PAH: variants seen among roughly 807,000 people sequenced by gnomAD.
The protein encoded by PAH is phenylalanine-4-hydroxylase.
In PAH, 64 loss-of-function variants were observed where a neutral mutation model predicts 62.0. The ratio of observed to expected loss-of-function variants is 1.03; its 90% CI spans 0.84 to 1.27. The LOEUF is 1.27. PAH is among the 50% of genes most tolerant of loss of function. The probability of loss-of-function intolerance (pLI) is 0.00; values close to 1 mark genes in which losing one functional copy is unlikely to be tolerated. For missense variants in PAH, 579 were observed against 542.8 expected, an observed-to-expected ratio of 1.07 and a Z score of -0.66; for synonymous variants, 195 against 196.2, an observed-to-expected ratio of 0.99 and a Z score of 0.05.
chr12:102,863,440 A>G (rs1229746572), intron 5 of PAH, among the ~76,000 whole-genome samples: 1 of 152,096 alleles, frequency 6.6e-6, no homozygotes, highest in Non-Finnish European at 1.5e-5. Context: ...AGGTGAGGAG[A>G]GACTCCACTC....
rs62516153 is a variant in PAH at position 102,844,379 on chromosome 12, T to G, written c.1022A>C (p.Lys341Thr). 2.5e-6 allele frequency: 4 copies of G among 1,613,904 alleles called. No individual in the cohort carries two copies. Among genetic ancestry groups the G allele is most frequent in the Non-Finnish European group, 3.4e-6 (4 of 1,179,830 alleles). The change falls in exon 10 of 13, where the codon AAG becomes ACG. Residue 341 changes from lysine (K) to threonine (T), a missense_variant. Lys to Thr is a moderately conservative substitution (Grantham distance 78, BLOSUM62 -1). Transcript: ENST00000553106. ...FGLCKQGDSI[K>T]AYGAGLLSSF... ...TGACAGGAGCCCAGCACCATATGCC[T>G]TTATGGAGTCTCCTTGTTTGCAGAG...
chr12:102,955,005 G>A (rs1879871240), upstream of PAH, among the ~76,000 whole-genome samples: 1 of 152,202 alleles, frequency 6.6e-6, no homozygotes, highest in Non-Finnish European at 1.5e-5. Flanking sequence ...AGGGTGAGAA[G>A]AGTGAGGTCA....
Position 102,957,489 on chromosome 12 carries a change from G to C in PAH, c.-96+706C>G, listed in dbSNP as rs1879952713. ...TGCAAGGAGCGGGAGAAAGGAACGGGAGGGGGGGAGAGGAGAGGAGGAGGG... is the reference window on the plus strand; with the variant it reads ...TGCAAGGAGCGGGAGAAAGGAACGGCAGGGGGGGAGAGGAGAGGAGGAGGG... On this transcript the variant is annotated intron_variant, in intron 1 of 4. Coordinates refer to the PAH transcript ENST00000551337. This position sits in a 1 kb window ranked among gnomAD's most constrained non-coding sequence, Gnocchi z 4.1. 1.6e-5 allele frequency among the ~76,000 whole-genome samples: 2 copies of C among 125,606 alleles called. No homozygotes were observed. The highest frequency in any genetic ancestry group is 6.9e-5 in the African/African-American group (2 of 28,868). The allele number at this position is 125,606 out of a possible 152,430, so 82.4% of individuals were successfully genotyped here. A position where few individuals can be genotyped will look rare whatever the true frequency, so the allele number is the denominator to read the frequency against.
chr12:102,888,596 G>C (rs1289325857), intron 3 of PAH, among the ~76,000 whole-genome samples: 1 of 150,680 alleles, frequency 6.6e-6, no homozygotes, highest in African/African-American at 2.5e-5. Flanking sequence ...CCAATGAATA[G>C]AGTTGCCTGT....
At chr12:102,924,345 A>T (rs1878629578) in intron 1 of PAH, among the ~76,000 whole-genome samples, 1 of 150,264 alleles carries the variant, frequency 6.7e-6, no homozygotes, top group African/African-American at 2.5e-5. Flanking sequence ...TATTAGCAGC[A>T]ACTAGACTGA....
At chr12:102,860,111 G>A (rs1875649511) in intron 5 of PAH, among the ~76,000 whole-genome samples, 1 of 152,196 alleles carries the variant, frequency 6.6e-6, no homozygotes, top group East Asian at 1.9e-4. Context: ...TCCTTAAGCT[G>A]ATAATCAACT....
At chr12:102,926,795 T>G (rs906076073) in intron 1 of PAH, among the ~76,000 whole-genome samples, 2 of 152,110 alleles carry the variant, frequency 1.3e-5, no homozygotes, top group South Asian at 4.1e-4. Flanking sequence ...TTACTACCTA[T>G]GCTTTTAATG....
rs2136649680 is a variant in PAH, at chr12:102,855,280, C to T, written c.562G>A (p.Gly188Ser). 1 of 1,614,024 alleles carries T rather than the reference C, an allele frequency of 6.2e-7. No homozygotes were observed. The highest frequency in any genetic ancestry group is 8.5e-7 in the Non-Finnish European group (1 of 1,179,952). The stretch of plus-strand genomic sequence containing the variant: ...GACTTCAGAGTCTTGAACACTGTGC[C>T]CCATGTTTTCTTTTCTTCCTCCATG... ...EYMEEEKKTW[G>S]TVFKTLKSLY... The change falls in exon 6 of 13, where the codon GGC becomes AGC. Residue 188 changes from glycine (G) to serine (S), a missense_variant. Physicochemically the swap from Gly to Ser is moderately conservative, Grantham distance 56 (BLOSUM62 0). Transcript: ENST00000553106.
At chr12:102,859,140 G>T (rs1247060886) in intron 5 of PAH, among the ~76,000 whole-genome samples, 1 of 151,906 alleles carries the variant, frequency 6.6e-6, no homozygotes, top group East Asian at 1.9e-4. Flanking sequence ...TGATAAAGGG[G>T]ATATCACCAC....
At chr12:102,865,066 A>C (rs1875897685) in intron 5 of PAH, among the ~76,000 whole-genome samples, 1 of 152,188 alleles carries the variant, frequency 6.6e-6, no homozygotes, top group Non-Finnish European at 1.5e-5. Context: ...CTGAGAGTCC[A>C]GCTATCTATA....
chr12:102,849,095 G>C (rs2136642166), intron 8 of PAH, among the ~76,000 whole-genome samples: 1 of 152,298 alleles, frequency 6.6e-6, no homozygotes, highest in Non-Finnish European at 1.5e-5. Flanking sequence ...AATGATAGTG[G>C]CTGAGACCAA....
chr12:102,875,666 C>T (rs1257466818), intron 4 of PAH, among the ~76,000 whole-genome samples: 1 of 152,154 alleles, frequency 6.6e-6, no homozygotes, highest in Non-Finnish European at 1.5e-5. Context: ...AAAGTCCCCA[C>T]ATTTACCTTT....
At chr12:102,858,242 A>G (rs1875537430) in intron 5 of PAH, among the ~76,000 whole-genome samples, 1 of 152,338 alleles carries the variant, frequency 6.6e-6, no homozygotes, top group Admixed American at 6.5e-5. Flanking sequence ...TCACTACACA[A>G]TGGTAAAGGG....
At chr12:102,848,402 T>C (rs1458649548) in intron 8 of PAH, among the ~76,000 whole-genome samples, 1 of 149,774 alleles carries the variant, frequency 6.7e-6, no homozygotes, top group Non-Finnish European at 1.5e-5. Context: ...AGGCTGAGTG[T>C]AGATGGGACA....
chr12:102,882,743 C>T (rs1429385042), intron 3 of PAH, among the ~76,000 whole-genome samples: 2 of 149,562 alleles, frequency 1.3e-5, no homozygotes, highest in African/African-American at 4.9e-5. Context: ...TTCCAGCAAG[C>T]CTAGAAAGTC....
intron 3 of PAH, among the ~76,000 whole-genome samples, chr12:102,882,987 G>T (rs550332540): frequency 6.6e-6 from 1 of 152,194 alleles, no homozygotes; most frequent in South Asian, 2.1e-4. Flanking sequence ...AGGAAGAAGA[G>T]GAGGAGGGAG....
intron 6 of PAH, among the ~76,000 whole-genome samples, chr12:102,854,523 T>C (rs1814728): frequency 0.64 from 97,478 of 152,158 alleles, 32,598 homozygotes; most frequent in African/African-American, 0.78. Context: ...TCAGTCCAAA[T>C]TCACTGAATA....
chr12:102,920,903 CACTTG>C (rs146229208), upstream of PAH, among the ~76,000 whole-genome samples: 23,173 of 152,046 alleles, frequency 0.15, 2,350 homozygotes, highest in African/African-American at 0.26. Context: ...GTATTTGCCA[CACTTG>C]ACTTCTTTAT....
chr12:102,921,268 A>T (rs1878545471), upstream of PAH, among the ~76,000 whole-genome samples: 1 of 152,198 alleles, frequency 6.6e-6, no homozygotes, highest in African/African-American at 2.4e-5. Context: ...CTCATAACTC[A>T]TGAGTTTGAG....
Sources: gnomAD v4.1 joint callset for allele counts (sites outside exome capture counted in the v4.1 genomes callset) on GRCh38, gnomAD v4.1.1 for gene constraint, Gnocchi (gnomAD v3.1) non-coding constraint, MANE v1.5 for transcripts, NCBI Gene and HGNC (gene_info 2026-07-23, HGNC 2026-07-21) for gene names.